The following BARX1 variants were observed in gnomAD, a reference collection of about 807,000 sequenced individuals.
BARX1 encodes BARX homeobox 1.
Under a neutral mutation model 19.6 loss-of-function variants are expected in BARX1, and 10 were observed. That is an observed-to-expected ratio of 0.51 (90% confidence interval 0.31 to 0.86). The LOEUF is 0.86. Ranked by LOEUF, BARX1 falls within the 40% of genes least tolerant of loss-of-function variation. The probability of loss-of-function intolerance (pLI) is 0.04; values close to 1 mark genes in which losing one functional copy is unlikely to be tolerated. For synonymous variants in BARX1, 177 were observed against 170.0 expected (o/e 1.04, Z -0.32); for missense variants, 309 against 360.4 (o/e 0.86, Z 1.15).
In BARX1 at chr9:93,955,214, C is replaced by T. The variant is rs964388106; in HGVS notation, c.-68G>A. 7 of 772,426 alleles carry T rather than the reference C, an allele frequency of 9.1e-6. No individual in the cohort carries two copies. Among genetic ancestry groups the T allele is most frequent in the South Asian group, 1.1e-4 (2 of 17,798 alleles). The allele number at this position is 772,426 out of a possible 1,614,324, so 47.8% of individuals were successfully genotyped here. A position where few individuals can be genotyped will look rare whatever the true frequency, so the allele number is the denominator to read the frequency against. ...GCGACGGCTTGGCTCCGGCGCGGGG[C>T]CCGCGCGGGGCTCTAGGCCGGCCCG... is the stretch of plus-strand genomic sequence containing the variant. On this transcript the variant is annotated 5_prime_UTR_variant, in exon 1 of 4. Transcript: ENST00000253968. The surrounding 1 kb of genome is among the most constrained non-coding windows in gnomAD (Gnocchi z 4.4).
In BARX1 at chr9:93,953,016, G is replaced by C. The variant is rs778351778; in HGVS notation, c.395C>G (p.Pro132Arg). ...QLRGKLEAAG[P>R]GEPGTKAKKG... ...CTTGGCTTTGGTGCCTGGCTCCCCAGGGCCTGCCGCCTCCAGCTTCCCGCG... is the reference window on the plus strand; with the variant it reads ...CTTGGCTTTGGTGCCTGGCTCCCCACGGCCTGCCGCCTCCAGCTTCCCGCG... The change falls in exon 2 of 4, where the codon CCT becomes CGT. Residue 132 changes from proline (P) to arginine (R), a missense_variant. Physicochemically the swap from Pro to Arg is moderately radical, Grantham distance 103. This residue lies in a region of BARX1 where 204 missense variants were observed against 206.8 expected (regional missense o/e 0.99). Transcript: ENST00000253968. The C allele has an allele frequency of 6.4e-7, 1 of 1,573,910 alleles. No individual in the cohort carries two copies. The highest frequency in any genetic ancestry group is 8.6e-7 in the Non-Finnish European group (1 of 1,160,322).
At position 93,953,024 on chromosome 9, in the gene BARX1, C is replaced by T. The variant is rs774480658; in HGVS notation, c.387G>A (p.Ala129=). ...LELQLRGKLE[A]AGPGEPGTKA... The stretch of plus-strand genomic sequence containing the variant: ...TGGTGCCTGGCTCCCCAGGGCCTGC[C>T]GCCTCCAGCTTCCCGCGGAGCTGCA... Residue 129 remains alanine (A), a synonymous_variant, in exon 2 of 4, where the codon GCG becomes GCA. Transcript: ENST00000253968. 2.1e-5 allele frequency: 33 copies of T among 1,573,836 alleles called. No homozygotes were observed. Among genetic ancestry groups the T allele is most frequent in the Middle Eastern group, 1.7e-4 (1 of 6,044 alleles).
Position 93,955,011 on chromosome 9 carries a change from G to C in BARX1, c.136C>G (p.Pro46Ala). 1 of 1,399,322 alleles carries C rather than the reference G, an allele frequency of 7.1e-7. No homozygotes were observed. The highest frequency in any genetic ancestry group is 1.5e-5 in the South Asian group (1 of 67,352). The allele number at this position is 1,399,322 out of a possible 1,614,324, so 86.7% of individuals were successfully genotyped here. ...CCCGCCGCGGCAGCGGCGGCTGCGG[G>C]CGCGGCGCCCTTGGGCCCGGGTGGC... ...TEPPGPKGAA[P>A]AAAAAAAGEL... Residue 46 changes from proline to alanine, a missense_variant, in exon 1 of 4, where the codon CCC becomes GCC. Pro to Ala is a conservative substitution (Grantham distance 27). Transcript: ENST00000253968. This position sits in a 1 kb window ranked among gnomAD's most constrained non-coding sequence, Gnocchi z 4.4.
At position 93,952,097 on chromosome 9, in the gene BARX1, G is replaced by A. The variant is rs1196255250; in HGVS notation, c.*67C>T. ...CTTGGACGCGGAAGGGCCGGCTCGC[G>A]GGTTTCCGCCGAGTGAGGGGGCTGC... On this transcript the variant is annotated 3_prime_UTR_variant, in exon 4 of 4. Coordinates refer to ENST00000253968, the MANE Select transcript of BARX1 (RefSeq NM_021570.4). 1.3e-6 allele frequency: 2 copies of A among 1,545,530 alleles called. No homozygotes were observed. Among genetic ancestry groups the A allele is most frequent in the Non-Finnish European group, 1.7e-6 (2 of 1,150,718 alleles).
At chr9:93,953,464 T>G in intron 1 of BARX1, 1 of 452,492 alleles carries the variant, frequency 2.2e-6, no homozygotes, top group Non-Finnish European at 3.8e-6. Flanking sequence ...GGGTTCCTGA[T>G]GAACATGTTT....
At position 93,955,150 on chromosome 9, in the gene BARX1, G is replaced by GGC. The variant is rs1228590115; in HGVS notation, c.-6_-5dup. The GGC allele has an allele frequency of 8.9e-7, 1 of 1,125,046 alleles. No homozygotes were observed. The highest frequency in any genetic ancestry group is 1.1e-6 in the Non-Finnish European group (1 of 922,846). 69.7% of individuals were successfully genotyped at this position (1,125,046 alleles called of 1,614,324 possible). Reference sequence around the variant, plus strand: ...CCGGCTCCCCCGGCCGCTGCATCGCGGCGCCCACTGCTGCGCCCGCGGTTT... The same window carrying GGC: ...CCGGCTCCCCCGGCCGCTGCATCGCGGCGCGCCCACTGCTGCGCCCGCGGTTT... On this transcript the variant is annotated 5_prime_UTR_variant, in exon 1 of 4. Coordinates refer to ENST00000253968, the MANE Select transcript of BARX1 (RefSeq NM_021570.4). This position sits in a 1 kb window ranked among gnomAD's most constrained non-coding sequence, Gnocchi z 4.4.
rs1384313416 is a variant in BARX1, at chr9:93,951,690, C to T, written c.*474G>A. 2 of 155,390 alleles carry T rather than the reference C, an allele frequency of 1.3e-5. No individual in the cohort carries two copies. The highest frequency in any genetic ancestry group is 4.8e-5 in the African/African-American group (2 of 41,544). The allele number at this position is 155,390 out of a possible 1,614,324, so 9.6% of individuals were successfully genotyped here. A position where few individuals can be genotyped will look rare whatever the true frequency, so the allele number is the denominator to read the frequency against. On this transcript the variant is annotated 3_prime_UTR_variant, in exon 4 of 4. Coordinates refer to ENST00000253968, the MANE Select transcript of BARX1 (RefSeq NM_021570.4). ...TCTTCGCAAGAGGGGGTAGGGGCCC[C>T]AGCGACATCGGGGACCCGGCCTCCA...
chr9:93,952,829 C>T lies in BARX1; in HGVS notation c.516-16G>A. The T allele has an allele frequency of 6.2e-7, 1 of 1,614,056 alleles. No homozygotes were observed. Among genetic ancestry groups the T allele is most frequent in the Non-Finnish European group, 8.5e-7 (1 of 1,179,998 alleles). On this transcript the variant is annotated splice_polypyrimidine_tract_variant and intron_variant, in intron 2 of 3. Transcript: ENST00000253968. ...AAGATCTATTCTGGAAAGAGCAGGG[C>T]GCACCCTCAGCAAGGCAAGTGACCA...
chr9:93,954,803 G>A (rs1336985084), intron 1 of BARX1, 121 bp downstream of exon 1: 1 of 658,224 alleles, frequency 1.5e-6, no homozygotes, highest in Non-Finnish European at 2.1e-6. Context: ...CCCAGAACCT[G>A]CGCTCCCAGA....
intron 3 of BARX1, 85 bp from the exon 4 acceptor site, chr9:93,952,413 G>T (rs1277065347): frequency 6.7e-7 from 1 of 1,502,370 alleles, no homozygotes; most frequent in Non-Finnish European, 9.0e-7. Context: ...TAGGACTAAG[G>T]AGTGCAGGGT....
Position 93,954,912 on chromosome 9 carries a change from C to T in BARX1, c.223+12G>A, listed in dbSNP as rs1325806229. On this transcript the variant is annotated intron_variant, in intron 1 of 3. Transcript: ENST00000253968. ...CAAGCCCGGCCCGCGACCCCGCGGCCGCCACACGTACCCAGGTGGCTGTGG... is the reference window on the plus strand; with the variant it reads ...CAAGCCCGGCCCGCGACCCCGCGGCTGCCACACGTACCCAGGTGGCTGTGG... The T allele has an allele frequency of 7.7e-7, 1 of 1,306,698 alleles. No individual in the cohort carries two copies. The highest frequency in any genetic ancestry group is 3.2e-5 in the East Asian group (1 of 31,228). The allele number at this position is 1,306,698 out of a possible 1,614,324, so 80.9% of individuals were successfully genotyped here.
At position 93,951,877 on chromosome 9, in the gene BARX1, A is replaced by C; in HGVS notation, c.*287T>G. 2.5e-6 allele frequency: 1 copy of C among 404,078 alleles called. No individual in the cohort carries two copies. Among genetic ancestry groups the C allele is most frequent in the African/African-American group, 2.0e-5 (1 of 49,602 alleles). 25.0% of individuals were successfully genotyped at this position (404,078 alleles called of 1,614,324 possible). A position where few individuals can be genotyped will look rare whatever the true frequency, so the allele number is the denominator to read the frequency against. On this transcript the variant is annotated 3_prime_UTR_variant, in exon 4 of 4. Transcript: ENST00000253968. ...GGTGCAGGCGAGGAGCGGGGCGTGA[A>C]TACGCGTGGAGCGCTCTGCGCCACG... is the stretch of plus-strand genomic sequence containing the variant.
rs1829106171 is a variant in BARX1 at position 93,951,905 on chromosome 9, G to C, written c.*259C>G. The C allele has an allele frequency of 5.7e-6, 3 of 527,006 alleles. No homozygotes were observed. Among genetic ancestry groups the C allele is most frequent in the Non-Finnish European group, 1.0e-5 (3 of 295,546 alleles). 32.6% of individuals were successfully genotyped at this position (527,006 alleles called of 1,614,324 possible). On this transcript the variant is annotated 3_prime_UTR_variant, in exon 4 of 4. Coordinates refer to ENST00000253968, the MANE Select transcript of BARX1 (RefSeq NM_021570.4). ...CGCGTGGAGCGCTCTGCGCCACGGA[G>C]CTCAGGGTAGAGACTGTAGCTTCCG...
chr9:93,954,135 A>G (rs1437268034), intron 1 of BARX1, among the ~76,000 whole-genome samples: 3 of 152,174 alleles, frequency 2.0e-5, no homozygotes, highest in African/African-American at 2.4e-5. Context: ...GCCGACCCCA[A>G]TGAGAGAAGC....
Position 93,952,253 on chromosome 9 carries a change from C to A in BARX1, c.676G>T (p.Glu226Ter). The A allele has an allele frequency of 6.2e-7, 1 of 1,612,542 alleles. No individual in the cohort carries two copies. Among genetic ancestry groups the A allele is most frequent in the Non-Finnish European group, 8.5e-7 (1 of 1,179,946 alleles). ...RPKKNSIPTS[E>*]QLTEQERAKD... ...GCGCGCTCCTGCTCAGTAAGCTGCT[C>A]GCTCGTTGGAATTGAGTTCTTCTTG... Residue 226 changes from glutamate to a stop codon, truncating the protein, a stop_gained, in exon 4 of 4, where the codon GAG (glutamate) becomes TAG (stop). Coordinates refer to ENST00000253968, the MANE Select transcript of BARX1 (RefSeq NM_021570.4). LOFTEE classifies it high-confidence loss of function.
rs201122153 is a variant in BARX1, at chr9:93,952,247, G to C, written c.682C>G (p.Leu228Val). 81 of 1,612,440 alleles carry C rather than the reference G, an allele frequency of 5.0e-5. No individual in the cohort carries two copies. The highest frequency in any genetic ancestry group is 6.7e-5 in the Admixed American group (4 of 60,002). ...KKNSIPTSEQ[L>V]TEQERAKDAE... ...TCCTTGGCGCGCTCCTGCTCAGTAA[G>C]CTGCTCGCTCGTTGGAATTGAGTTC... is the stretch of plus-strand genomic sequence containing the variant. Residue 228 changes from leucine (L) to valine (V), a missense_variant, in exon 4 of 4, where the codon CTT (leucine) becomes GTT (valine). Around this residue, in one of 3 missense-constraint regions of BARX1, gnomAD observed 71 missense variants for 80.4 expected, o/e 0.88. Transcript: ENST00000253968.
Position 93,952,172 on chromosome 9 carries a change from C to T in BARX1, c.757G>A (p.Glu253Lys), listed in dbSNP as rs199527359. The change falls in exon 4 of 4, where the codon GAG (glutamate) becomes AAG (lysine). Residue 253 changes from glutamate (E) to lysine (K), a missense_variant. Around this residue, in one of 3 missense-constraint regions of BARX1, gnomAD observed 71 missense variants for 80.4 expected, o/e 0.88. Transcript: ENST00000253968. ...CGCACCGTATACCGCCCTCAGTCCTCGCGGCTCCTGTCGCTGGGCTCGCCC... is the reference window on the plus strand; with the variant it reads ...CGCACCGTATACCGCCCTCAGTCCTTGCGGCTCCTGTCGCTGGGCTCGCCC... The part of the protein sequence containing the change: ...VPGEPSDRSR[E>K]D 21 of 1,607,308 alleles carry T rather than the reference C, an allele frequency of 1.3e-5. No individual in the cohort carries two copies. In the African/African-American group the frequency reaches 2.5e-4, roughly 19 times the overall value.
intron 3 of BARX1, 25 bp downstream of exon 3, chr9:93,952,704 G>A (rs773604385): frequency 7.5e-6 from 12 of 1,609,880 alleles, no homozygotes; most frequent in Non-Finnish European, 1.0e-5. Flanking sequence ...AAGCTGAGGG[G>A]TGGGAAGCCA....
In BARX1 at chr9:93,952,221, A is replaced by G; in HGVS notation, c.708T>C (p.Asp236=). ...EQLTEQERAK[D]AEKPAEVPGE... Reference sequence around the variant, plus strand: ...CCGGCACCTCCGCCGGTTTCTCTGCATCCTTGGCGCGCTCCTGCTCAGTAA... The same window carrying G: ...CCGGCACCTCCGCCGGTTTCTCTGCGTCCTTGGCGCGCTCCTGCTCAGTAA... The change falls in exon 4 of 4, where the codon GAT becomes GAC. Residue 236 remains aspartate, a synonymous_variant. Transcript: ENST00000253968. 6.2e-7 allele frequency: 1 copy of G among 1,611,766 alleles called. No individual in the cohort carries two copies. Among genetic ancestry groups the G allele is most frequent in the Non-Finnish European group, 8.5e-7 (1 of 1,179,884 alleles).
Sources: allele counts gnomAD v4.1 joint callset (sites outside exome capture counted in the v4.1 genomes callset), GRCh38; gene constraint gnomAD v4.1.1; regional missense constraint gnomAD v4.1.1; non-coding constraint Gnocchi (gnomAD v3.1); transcripts MANE v1.5; gene names NCBI Gene and HGNC (gene_info 2026-07-23, HGNC 2026-07-21).